TMEM272: variants seen among roughly 807,000 people sequenced by gnomAD.
TMEM272 encodes the protein long intergenic non-protein coding RNA 282.
Under a neutral mutation model 3.7 loss-of-function variants are expected in TMEM272, and 8 were observed. That is an observed-to-expected ratio of 2.17 (90% CI 1.27 to 3.91). The LOEUF (loss-of-function observed/expected upper bound fraction) is 3.91. Ranked by LOEUF, TMEM272 falls within the 30% of genes most tolerant of loss-of-function variation. TMEM272 has a pLI of 0.00. For synonymous variants in TMEM272, 63 were observed against 39.8 expected (o/e 1.58, Z -2.20); for missense variants, 166 against 91.5 (o/e 1.81, Z -3.32).
the TMEM272 span, among the ~76,000 whole-genome samples, chr13:51,851,397 G>A: frequency 9.7e-4 from 137 of 141,562 alleles, no homozygotes; most frequent in African/African-American, 1.7e-3. Context: ...AGGAGGAGGA[G>A]GAAGAAGAAG....
At chr13:51,908,140 T>C in the TMEM272 span, 1 of 539,236 alleles carries the variant, frequency 1.9e-6, no homozygotes, top group Non-Finnish European at 3.5e-6. Context: ...GTGTAATCAC[T>C]GAAGTAACAG....
chr13:51,909,307 GTTC>G, the TMEM272 span: 2 of 950,934 alleles, frequency 2.1e-6, no homozygotes, highest in Admixed American at 1.8e-5. Flanking sequence ...GTTCTCTCAA[GTTC>G]TTCTTCAAGA....
At position 51,817,120 on chromosome 13, in the gene TMEM272, C is replaced by T. The variant is rs770982196; in HGVS notation, c.202-7G>A. 2.3e-5 allele frequency: 16 copies of T among 696,328 alleles called. No individual in the cohort carries two copies. Among genetic ancestry groups the T allele is most frequent in the South Asian group, 1.2e-4 (8 of 67,280 alleles). 43.1% of individuals were successfully genotyped at this position (696,328 alleles called of 1,614,324 possible). ...CGTACAACAGGAGAGACACCTGGGG[C>T]GTGGTGGGGAGCCAGGGTGGCAAGG... On this transcript the variant is annotated splice_polypyrimidine_tract_variant and splice_region_variant and intron_variant, in intron 4 of 4. Coordinates refer to ENST00000629372, the MANE Select transcript of TMEM272 (RefSeq NM_001351003.2).
At chr13:51,908,439 G>A in the TMEM272 span, 9 of 1,512,764 alleles carry the variant, frequency 5.9e-6, no homozygotes, top group Non-Finnish European at 8.3e-6. Flanking sequence ...ATAATCTGGA[G>A]AAGCTCCAAA....
the TMEM272 span, among the ~76,000 whole-genome samples, chr13:51,931,965 T>C: frequency 1.3e-5 from 2 of 152,168 alleles, no homozygotes; most frequent in African/African-American, 4.8e-5. Context: ...CTGGAACCTA[T>C]GATCAGGCAA....
the TMEM272 span, among the ~76,000 whole-genome samples, chr13:51,887,352 G>T: frequency 6.6e-6 from 1 of 152,184 alleles, no homozygotes; most frequent in African/African-American, 2.4e-5. Flanking sequence ...TCCTTAAGCT[G>T]CAGGATTCTG....
chr13:51,826,670 A>T (rs1956128563), intron 2 of TMEM272, 45 bp from the exon 3 acceptor site: 1 of 701,870 alleles, frequency 1.4e-6, no homozygotes. Context: ...AAACACACAG[A>T]CCCCTGCATT....
At chr13:51,831,446 T>C (rs554676235) in intron 2 of TMEM272, among the ~76,000 whole-genome samples, 56 of 152,214 alleles carry the variant, frequency 3.7e-4, no homozygotes, top group Non-Finnish European at 6.9e-4. Context: ...TAAAAGCAAC[T>C]CTCAGGTGAT....
upstream of TMEM272, among the ~76,000 whole-genome samples, chr13:51,848,565 A>T (rs1019645455): frequency 5.3e-5 from 8 of 152,204 alleles, no homozygotes; most frequent in Non-Finnish European, 1.2e-4. Context: ...GAATAAAAAG[A>T]TTACTTAATA....
At chr13:51,933,863 G>GA in the TMEM272 span, 3 of 152,298 alleles carry the variant, frequency 2.0e-5, no homozygotes, top group Admixed American at 2.0e-4. Context: ...GCTGGGCAGG[G>GA]ATATGGAAGG....
the TMEM272 span, among the ~76,000 whole-genome samples, chr13:51,927,165 T>C: frequency 1.3e-5 from 2 of 152,054 alleles, no homozygotes; most frequent in Non-Finnish European, 2.9e-5. Flanking sequence ...ATTCCGAACA[T>C]TAAATAGGAA....
the TMEM272 span, among the ~76,000 whole-genome samples, chr13:51,871,785 T>TACACACACAC: frequency 2.3e-4 from 30 of 129,676 alleles, no homozygotes; most frequent in African/African-American, 8.3e-4. Context: ...AATCTCCCCC[T>TACACACACAC]ACACACACAC....
the TMEM272 span, among the ~76,000 whole-genome samples, chr13:51,878,219 A>T: frequency 6.6e-6 from 1 of 152,170 alleles, no homozygotes; most frequent in African/African-American, 2.4e-5. Context: ...TCATGAGGTA[A>T]GGAGATAGAG....
At chr13:51,832,745 C>A (rs947677372) in intron 2 of TMEM272, among the ~76,000 whole-genome samples, 14 of 152,168 alleles carry the variant, frequency 9.2e-5, no homozygotes, top group African/African-American at 2.7e-4. Context: ...CAGCCAATAG[C>A]AATTTGCATG....
chr13:51,890,965 A>C, the TMEM272 span, among the ~76,000 whole-genome samples: 1 of 152,338 alleles, frequency 6.6e-6, no homozygotes, highest in East Asian at 1.9e-4. Context: ...GTTGTCATGA[A>C]TGTTGTACAC....
the TMEM272 span, among the ~76,000 whole-genome samples, chr13:51,890,580 C>T: frequency 6.6e-6 from 1 of 152,162 alleles, no homozygotes; most frequent in Non-Finnish European, 1.5e-5. Flanking sequence ...TTATAAACTA[C>T]TCAGCCTCAG....
chr13:51,859,492 C>T, the TMEM272 span, among the ~76,000 whole-genome samples: 12 of 140,082 alleles, frequency 8.6e-5, no homozygotes, highest in African/African-American at 3.0e-4. Flanking sequence ...CCTGCACCCC[C>T]GACTCCCAAC....
At chr13:51,865,669 GA>G in the TMEM272 span, 7 of 1,614,232 alleles carry the variant, frequency 4.3e-6, no homozygotes, top group East Asian at 1.6e-4. Flanking sequence ...GGGAAGAGGA[GA>G]AAACCTTCTG....
the TMEM272 span, among the ~76,000 whole-genome samples, chr13:51,860,988 T>C: frequency 2.0e-5 from 3 of 151,916 alleles, no homozygotes; most frequent in Admixed American, 6.6e-5. Flanking sequence ...AGCATGTATA[T>C]AAAGTGGAAT....
Sources: allele counts gnomAD v4.1 joint callset (sites outside exome capture counted in the v4.1 genomes callset), GRCh38; gene constraint gnomAD v4.1.1; transcripts MANE v1.5; gene names NCBI Gene and HGNC (gene_info 2026-07-23, HGNC 2026-07-21).